Variants in PDE1C observed in about 807,000 individuals in gnomAD.
The protein encoded by PDE1C is dual specificity calcium/calmodulin-dependent 3',5'-cyclic nucleotide phosphodiesterase 1C.
In PDE1C, 62 loss-of-function variants were observed where a neutral mutation model predicts 93.1. That is an observed-to-expected ratio of 0.67 (90% CI 0.54 to 0.82). The LOEUF (loss-of-function observed/expected upper bound fraction) is 0.82. Among genes scored for constraint, PDE1C ranks in the 40% least tolerant of loss-of-function variants. PDE1C has a pLI of 0.00. For synonymous variants in PDE1C, 325 were observed against 310.1 expected, an observed-to-expected ratio of 1.05 and a Z score of -0.50; for missense variants, 742 against 884.6, an observed-to-expected ratio of 0.84 and a Z score of 2.04.
chr7:31,853,475 T>A (rs1321478529), intron 7 of PDE1C, among the ~76,000 whole-genome samples: 1 of 152,086 alleles, frequency 6.6e-6, no homozygotes. Context: ...CAAAAGCATG[T>A]CCACCTCAGG....
chr7:32,208,148 A>G (rs1805741170), intron 2 of PDE1C, among the ~76,000 whole-genome samples: 1 of 152,264 alleles, frequency 6.6e-6, no homozygotes, highest in South Asian at 2.1e-4. Context: ...CTCTTTCATT[A>G]TCGTACATTA....
chr7:31,999,312 G>C (rs147860129), intron 2 of PDE1C, among the ~76,000 whole-genome samples: 9 of 152,162 alleles, frequency 5.9e-5, no homozygotes, highest in African/African-American at 2.2e-4. Flanking sequence ...ATGCAAATGT[G>C]CTTTTCATAA....
At chr7:31,799,713 T>C (rs3807621) in intron 16 of PDE1C, among the ~76,000 whole-genome samples, 40,553 of 151,576 alleles carry the variant, frequency 0.27, 7,260 homozygotes, top group African/African-American at 0.51. Context: ...ATGTACGCAA[T>C]AACCCTTTTG....
chr7:31,654,825 A>C, the PDE1C span, among the ~76,000 whole-genome samples: 1 of 152,144 alleles, frequency 6.6e-6, no homozygotes, highest in Non-Finnish European at 1.5e-5. Context: ...TAACCTCAGA[A>C]ACTAATTCTA....
Position 32,080,344 on chromosome 7 carries a change from A to G in PDE1C, c.308+89441T>C, listed in dbSNP as rs145070304. Among the ~76,000 whole-genome samples, 277 of 152,200 alleles carry G rather than the reference A, an allele frequency of 1.8e-3. 1 individual carries two copies. Among genetic ancestry groups the G allele is most frequent in the African/African-American group, 6.1e-3 (252 of 41,502 alleles). On this transcript the variant is annotated intron_variant, in intron 3 of 18. Coordinates refer to the PDE1C transcript ENST00000396193. ...TAACATACCAATTGACCAATGACCAATTGGGCTTCTCAGACAAGTACTGTG... is the reference window on the plus strand; with the variant it reads ...TAACATACCAATTGACCAATGACCAGTTGGGCTTCTCAGACAAGTACTGTG...
At chr7:31,700,223 T>C in the PDE1C span, among the ~76,000 whole-genome samples, 1 of 152,118 alleles carries the variant, frequency 6.6e-6, no homozygotes, top group Admixed American at 6.5e-5. Flanking sequence ...TTGAAGGAAA[T>C]TAAAAGTTCT....
chr7:32,416,854 A>G lies in PDE1C; in HGVS notation c.310+10968T>C, dbSNP rs1471481812. Among the ~76,000 whole-genome samples the G allele has an allele frequency of 3.3e-5, 5 of 152,130 alleles. No individual in the cohort carries two copies. The East Asian group carries it at 9.6e-4, about 29-fold the overall frequency. On this transcript the variant is annotated intron_variant, in intron 1 of 1. Coordinates refer to the PDE1C transcript ENST00000672256. ...TCTATGGGGAAATGAGTGCAGAGGA[A>G]CGGGTATCATCTCAGTATGAGGAGA...
intron 2 of PDE1C, among the ~76,000 whole-genome samples, chr7:32,041,229 C>T (rs1363705100): frequency 6.6e-6 from 1 of 152,150 alleles, no homozygotes; most frequent in African/African-American, 2.4e-5. Context: ...GCAGGGGAAA[C>T]CCACACAAGC....
chr7:32,137,357 A>G (rs1362094707), intron 3 of PDE1C, among the ~76,000 whole-genome samples: 1 of 152,236 alleles, frequency 6.6e-6, no homozygotes, highest in Non-Finnish European at 1.5e-5. Context: ...GTGCGACTGC[A>G]GCACCTTTTG....
the PDE1C span, among the ~76,000 whole-genome samples, chr7:31,628,606 C>T: frequency 2.6e-5 from 4 of 151,966 alleles, no homozygotes; most frequent in East Asian, 3.9e-4. Context: ...TACAGGCGCC[C>T]GCCACCACGC....
At chr7:32,150,812 G>A (rs1482553273) in intron 3 of PDE1C, among the ~76,000 whole-genome samples, 1 of 152,164 alleles carries the variant, frequency 6.6e-6, no homozygotes, top group East Asian at 1.9e-4. Context: ...GGCAACCATT[G>A]TAGTCCACCA....
At chr7:32,238,013 G>A (rs1045313461) in intron 1 of PDE1C, among the ~76,000 whole-genome samples, 7 of 151,680 alleles carry the variant, frequency 4.6e-5, no homozygotes, top group South Asian at 2.1e-4. Flanking sequence ...CAGGTGATCC[G>A]CCCACCTCGG....
At chr7:32,393,817 C>T (rs1784794495) in intron 1 of PDE1C, among the ~76,000 whole-genome samples, 1 of 152,154 alleles carries the variant, frequency 6.6e-6, no homozygotes, top group African/African-American at 2.4e-5. Context: ...AAATATCTCA[C>T]CTGAATTTTT....
chr7:31,713,636 C>T, the PDE1C span, among the ~76,000 whole-genome samples: 4 of 152,226 alleles, frequency 2.6e-5, no homozygotes, highest in South Asian at 2.1e-4. Flanking sequence ...AGGACTCTGC[C>T]CCTGCACAAA....
At position 31,824,862 on chromosome 7, in the gene PDE1C, C is replaced by T. The variant is rs1423187264; in HGVS notation, c.1406+5G>A. 1.9e-6 allele frequency: 3 copies of T among 1,612,534 alleles called. No homozygotes were observed. The highest frequency in any genetic ancestry group is 2.5e-6 in the Non-Finnish European group (3 of 1,178,992). On this transcript the variant is annotated splice_donor_5th_base_variant and intron_variant, in intron 13 of 17. Transcript: ENST00000396191. ...CACCCTCAGCCCTCAAGCTTCCCCA[C>T]TGACCTCGAACGCCTCTGTCCTGTC...
At chr7:31,920,915 C>A (rs1323310403) in intron 2 of PDE1C, among the ~76,000 whole-genome samples, 1 of 152,174 alleles carries the variant, frequency 6.6e-6, no homozygotes, top group Non-Finnish European at 1.5e-5. Context: ...TCTAATATGC[C>A]TGATTTCTTA....
chr7:32,387,054 A>C (rs1234823738), intron 1 of PDE1C, among the ~76,000 whole-genome samples: 12 of 150,796 alleles, frequency 8.0e-5, no homozygotes, highest in African/African-American at 2.9e-4. Context: ...CTGGGTACTT[A>C]AGATTAGGGA....
chr7:31,665,880 A>T, the PDE1C span, among the ~76,000 whole-genome samples: 1 of 152,184 alleles, frequency 6.6e-6, no homozygotes, highest in African/African-American at 2.4e-5. Context: ...GTTGATGTTG[A>T]TTAGTAGTTT....
chr7:32,271,567 T>C (rs1416442786), intron 1 of PDE1C, among the ~76,000 whole-genome samples: 4 of 152,200 alleles, frequency 2.6e-5, no homozygotes, highest in Non-Finnish European at 5.9e-5. Flanking sequence ...GAAGATATAG[T>C]AGCAGATTAG....
Sources: allele counts gnomAD v4.1 joint callset (sites outside exome capture counted in the v4.1 genomes callset), GRCh38; gene constraint gnomAD v4.1.1; transcripts MANE v1.5; gene names NCBI Gene and HGNC (gene_info 2026-07-23, HGNC 2026-07-21).